Variants in RXFP1 observed in about 807,000 individuals in gnomAD.
RXFP1 encodes relaxin family peptide receptor 1, also known as relaxin receptor 1.
RXFP1 carries 73 observed loss-of-function variants against 89.8 expected under a neutral mutation model. The observed-to-expected ratio is 0.81, with a 90% confidence interval of 0.67 to 0.99. RXFP1 has a LOEUF of 0.99. Ranked by LOEUF, RXFP1 falls within the 50% of genes least tolerant of loss-of-function variation. RXFP1 has a pLI of 0.00. For synonymous variants in RXFP1, 277 were observed against 305.5 expected (o/e 0.91, Z 0.97); for missense variants, 793 against 895.5 (o/e 0.89, Z 1.46).
Position 158,572,636 on chromosome 4 carries a change from C to T in RXFP1, c.50-62C>T, listed in dbSNP as rs991661976. ...ATTATAAAATATCAGGGAGAAACTGCTCTTTGCCACGCCTTTGTATTAACC... is the reference window on the plus strand; with the variant it reads ...ATTATAAAATATCAGGGAGAAACTGTTCTTTGCCACGCCTTTGTATTAACC... On this transcript the variant is annotated intron_variant, in intron 1 of 17. Transcript: ENST00000307765. 10 of 1,436,894 alleles carry T rather than the reference C, an allele frequency of 7.0e-6. No homozygotes were observed. In the African/African-American group the frequency reaches 1.4e-4, roughly 20 times the overall value. The allele number at this position is 1,436,894 out of a possible 1,614,324, so 89.0% of individuals were successfully genotyped here.
rs574285065 is a variant in RXFP1 at position 158,547,193 on chromosome 4, G to A, written c.49+25168G>A. The stretch of plus-strand genomic sequence containing the variant: ...TTAGTCTTGGGGGGGTGTATGTTTT[G>A]AGGAATTTATCCATTTCTTCTAGAT... On this transcript the variant is annotated intron_variant, in intron 1 of 17. Coordinates refer to ENST00000307765, the MANE Select transcript of RXFP1 (RefSeq NM_021634.4). Among the ~76,000 whole-genome samples the A allele has an allele frequency of 5.5e-4, 83 of 152,142 alleles. No individual in the cohort carries two copies. The South Asian group carries it at 0.014, about 26-fold the overall frequency.
chr4:158,592,493 G>A (rs1330867720), intron 2 of RXFP1, among the ~76,000 whole-genome samples: 1 of 152,152 alleles, frequency 6.6e-6, no homozygotes, highest in Non-Finnish European at 1.5e-5. Context: ...AGAATCACTT[G>A]AGCCTAGGAC....
intron 2 of RXFP1, among the ~76,000 whole-genome samples, chr4:158,581,831 T>A (rs187987687): frequency 2.0e-5 from 3 of 152,330 alleles, no homozygotes; most frequent in Non-Finnish European, 2.9e-5. Flanking sequence ...ATTTGGCTCA[T>A]GGTTCTGCAG....
At chr4:158,617,426 AAT>A (rs1554017037) in intron 9 of RXFP1, among the ~76,000 whole-genome samples, 2 of 149,226 alleles carry the variant, frequency 1.3e-5, no homozygotes, top group Non-Finnish European at 1.5e-5. Flanking sequence ...TCTCAAAAAA[AAT>A]ATATATATAT....
chr4:158,532,860 T>C (rs1439492835), intron 1 of RXFP1, among the ~76,000 whole-genome samples: 2 of 152,182 alleles, frequency 1.3e-5, no homozygotes, highest in African/African-American at 4.8e-5. Context: ...ACCCTGCTTC[T>C]CCTAGAGATG....
At chr4:158,537,032 A>G (rs1745433969) in intron 1 of RXFP1, among the ~76,000 whole-genome samples, 1 of 148,366 alleles carries the variant, frequency 6.7e-6, no homozygotes, top group African/African-American at 2.5e-5. Context: ...TGCAAAAGTA[A>G]TTGCGGTTTT....
chr4:158,543,026 G>A (rs2149839243), intron 1 of RXFP1, among the ~76,000 whole-genome samples: 1 of 152,058 alleles, frequency 6.6e-6, no homozygotes, highest in East Asian at 1.9e-4. Context: ...TTAGTAACTG[G>A]GTAACAAAAT....
intron 1 of RXFP1, among the ~76,000 whole-genome samples, chr4:158,536,717 T>A (rs369327579): frequency 5.3e-5 from 8 of 152,296 alleles, no homozygotes; most frequent in African/African-American, 1.9e-4. Flanking sequence ...CATGGAAAAT[T>A]ATAGTTTTAA....
At chr4:158,564,319 C>T (rs1753115108) in intron 1 of RXFP1, among the ~76,000 whole-genome samples, 1 of 152,146 alleles carries the variant, frequency 6.6e-6, no homozygotes, top group African/African-American at 2.4e-5. Flanking sequence ...TATATACAAT[C>T]CCTACTGTCT....
chr4:158,569,421 G>A (rs924895987), intron 1 of RXFP1, among the ~76,000 whole-genome samples: 2 of 152,092 alleles, frequency 1.3e-5, no homozygotes, highest in African/African-American at 2.4e-5. Context: ...TGTAAACTAC[G>A]GACTTTGACT....
At chr4:158,645,237 T>A (rs1771284139) in intron 15 of RXFP1, 99 bp downstream of exon 15, 1 of 863,158 alleles carries the variant, frequency 1.2e-6, no homozygotes, top group Admixed American at 2.7e-5. Flanking sequence ...TATGGAATTT[T>A]ACATTTTTCT....
intron 1 of RXFP1, among the ~76,000 whole-genome samples, chr4:158,524,078 C>T (rs548048159): frequency 2.0e-5 from 3 of 152,304 alleles, no homozygotes; most frequent in African/African-American, 4.8e-5. Context: ...TTTACCCTGT[C>T]TACCTTTCAG....
chr4:158,627,791 G>T (rs148744977), intron 10 of RXFP1, among the ~76,000 whole-genome samples: 2,138 of 152,166 alleles, frequency 0.014, 33 homozygotes, highest in Middle Eastern at 0.037. Context: ...ATGCAAAATA[G>T]TGTATAGTAA....
At chr4:158,577,213 A>T (rs1363773021) in intron 2 of RXFP1, among the ~76,000 whole-genome samples, 1 of 151,954 alleles carries the variant, frequency 6.6e-6, no homozygotes, top group African/African-American at 2.4e-5. Context: ...AATTTTTTGC[A>T]TTTTTAGTAT....
intron 1 of RXFP1, among the ~76,000 whole-genome samples, chr4:158,535,850 G>A (rs868027912): frequency 6.6e-6 from 1 of 152,110 alleles, no homozygotes; most frequent in African/African-American, 2.4e-5. Context: ...TCTAGTCTGC[G>A]TTGTGTTTTC....
At chr4:158,625,012 CAGTTACGTA>C (rs1766416301) in intron 9 of RXFP1, among the ~76,000 whole-genome samples, 1 of 152,080 alleles carries the variant, frequency 6.6e-6, no homozygotes, top group African/African-American at 2.4e-5. Flanking sequence ...TAATAGAAAA[CAGTTACGTA>C]AGTAACTAAA....
At chr4:158,575,469 A>G (rs1170889215) in intron 2 of RXFP1, among the ~76,000 whole-genome samples, 1 of 152,158 alleles carries the variant, frequency 6.6e-6, no homozygotes, top group Non-Finnish European at 1.5e-5. Flanking sequence ...TGTGTCCCCC[A>G]TAAAGTTTAT....
intron 1 of RXFP1, among the ~76,000 whole-genome samples, chr4:158,559,476 G>T (rs777372737): frequency 1.3e-5 from 2 of 152,096 alleles, no homozygotes; most frequent in Non-Finnish European, 2.9e-5. Flanking sequence ...ATCTAGAAAG[G>T]TGACAAATAA....
chr4:158,591,089 T>G (rs1377426346), intron 2 of RXFP1, among the ~76,000 whole-genome samples: 1 of 151,882 alleles, frequency 6.6e-6, no homozygotes, highest in Non-Finnish European at 1.5e-5. Context: ...CTCACAAGAG[T>G]GCGTCCAATT....
Sources: allele counts gnomAD v4.1 joint callset (sites outside exome capture counted in the v4.1 genomes callset), GRCh38; gene constraint gnomAD v4.1.1; transcripts MANE v1.5; gene names NCBI Gene and HGNC (gene_info 2026-07-23, HGNC 2026-07-21).